Variants in CDYL2 observed in about 807,000 individuals in gnomAD.
CDYL2 encodes chromodomain Y like 2.
A neutral mutation model predicts 49.4 loss-of-function variants in CDYL2; 23 were observed. The observed-to-expected ratio is 0.47, with a 90% CI of 0.34 to 0.66. The LOEUF is 0.66. Ranked by LOEUF, CDYL2 falls within the 30% of genes least tolerant of loss-of-function variation. CDYL2 has a pLI of 0.01. For synonymous variants in CDYL2, 360 were observed against 268.8 expected, an observed-to-expected ratio of 1.34 and a Z score of -3.32; for missense variants, 678 against 656.4, an observed-to-expected ratio of 1.03 and a Z score of -0.36.
intron 6 of CDYL2, among the ~76,000 whole-genome samples, chr16:80,606,977 G>T (rs545437339): frequency 6.6e-6 from 1 of 152,158 alleles, no homozygotes; most frequent in Non-Finnish European, 1.5e-5. Context: ...CCCAGTCTCG[G>T]GTATGTCTTT....
intron 1 of CDYL2, among the ~76,000 whole-genome samples, chr16:80,691,308 T>C (rs1163588871): frequency 6.6e-6 from 1 of 152,210 alleles, no homozygotes; most frequent in Non-Finnish European, 1.5e-5. Flanking sequence ...GAGGGCAAGT[T>C]CTGGGAACAA....
At chr16:80,711,934 A>C (rs574396166) in intron 1 of CDYL2, among the ~76,000 whole-genome samples, 1 of 151,860 alleles carries the variant, frequency 6.6e-6, no homozygotes, top group East Asian at 1.9e-4. Flanking sequence ...ACAGGGGAGA[A>C]GGACACCCAT....
At chr16:80,657,209 A>G (rs1375036104) in intron 2 of CDYL2, among the ~76,000 whole-genome samples, 1 of 152,260 alleles carries the variant, frequency 6.6e-6, no homozygotes, top group Non-Finnish European at 1.5e-5. Flanking sequence ...ACAATTTGAC[A>G]AGGACTTTAA....
intron 1 of CDYL2, among the ~76,000 whole-genome samples, chr16:80,750,156 G>A (rs1906081461): frequency 6.6e-6 from 1 of 151,916 alleles, no homozygotes; most frequent in Non-Finnish European, 1.5e-5. Context: ...AATGGGTGCA[G>A]CACACCAACA....
At chr16:80,724,562 C>T (rs1196826867) in intron 1 of CDYL2, among the ~76,000 whole-genome samples, 2 of 152,202 alleles carry the variant, frequency 1.3e-5, no homozygotes, top group African/African-American at 2.4e-5. Context: ...ACACACATGA[C>T]ACACATGTGG....
chr16:80,730,954 G>A (rs1905306316), intron 1 of CDYL2, among the ~76,000 whole-genome samples: 1 of 152,152 alleles, frequency 6.6e-6, no homozygotes, highest in East Asian at 1.9e-4. Flanking sequence ...GGGTAGGAAG[G>A]AGTGGAAAGA....
chr16:80,766,649 G>A (rs890802296), intron 1 of CDYL2, among the ~76,000 whole-genome samples: 16 of 152,170 alleles, frequency 1.1e-4, no homozygotes, highest in Non-Finnish European at 2.2e-4. Flanking sequence ...AAGAGGTGCA[G>A]AAATTGTCTG....
At chr16:80,799,419 T>G (rs1907860311) in intron 1 of CDYL2, among the ~76,000 whole-genome samples, 1 of 152,216 alleles carries the variant, frequency 6.6e-6, no homozygotes, top group Non-Finnish European at 1.5e-5. Flanking sequence ...CTGGAGGACG[T>G]GATCATCATT....
At chr16:80,743,807 A>G (rs1905832892) in intron 1 of CDYL2, among the ~76,000 whole-genome samples, 1 of 152,148 alleles carries the variant, frequency 6.6e-6, no homozygotes, top group Admixed American at 6.5e-5. Context: ...AAGGATGAAG[A>G]TAAGTAAGAA....
intron 2 of CDYL2, among the ~76,000 whole-genome samples, chr16:80,648,819 T>C (rs1908463491): frequency 6.6e-6 from 1 of 152,152 alleles, no homozygotes; most frequent in Admixed American, 6.5e-5. Context: ...GATTTATCCC[T>C]GGGATACAAG....
At chr16:80,742,290 A>C in intron 1 of CDYL2, 1 of 152,260 alleles carries the variant, frequency 6.6e-6, no homozygotes, top group Admixed American at 6.5e-5. Flanking sequence ...GGATTGATTA[A>C]ACACATTCCA....
intron 1 of CDYL2, among the ~76,000 whole-genome samples, chr16:80,792,873 A>T (rs538555539): frequency 6.6e-6 from 1 of 152,144 alleles, no homozygotes; most frequent in Non-Finnish European, 1.5e-5. Context: ...CCCATGGAAC[A>T]GCCTACCAGC....
intron 1 of CDYL2, among the ~76,000 whole-genome samples, chr16:80,747,571 T>C (rs944151867): frequency 3.0e-4 from 46 of 152,270 alleles, no homozygotes; most frequent in African/African-American, 1.0e-3. Flanking sequence ...TGGTGGTGAA[T>C]AGTAGCTGGT....
chr16:80,662,405 T>C (rs1909083760), intron 2 of CDYL2, among the ~76,000 whole-genome samples: 3 of 152,200 alleles, frequency 2.0e-5, no homozygotes. Flanking sequence ...CCCCTACTTT[T>C]TGATGGAGCT....
At chr16:80,780,840 C>A (rs779082346) in intron 1 of CDYL2, among the ~76,000 whole-genome samples, 2 of 152,164 alleles carry the variant, frequency 1.3e-5, no homozygotes, top group Non-Finnish European at 2.9e-5. Flanking sequence ...TCTCTCTCCT[C>A]CACAAATGCA....
At chr16:80,727,781 G>C (rs1039883639) in intron 1 of CDYL2, among the ~76,000 whole-genome samples, 1 of 152,210 alleles carries the variant, frequency 6.6e-6, no homozygotes, top group South Asian at 2.1e-4. Flanking sequence ...CCTCAAGTGG[G>C]TCCCTGACCC....
At chr16:80,693,066 C>A (rs1027760960) in intron 1 of CDYL2, among the ~76,000 whole-genome samples, 2 of 143,284 alleles carry the variant, frequency 1.4e-5, no homozygotes, top group African/African-American at 5.2e-5. Context: ...ACTCAGAAGA[C>A]TACATGCCAG....
intron 3 of CDYL2, among the ~76,000 whole-genome samples, chr16:80,627,185 A>G (rs1318073644): frequency 1.3e-5 from 2 of 152,198 alleles, no homozygotes. Context: ...CATTTTGAAC[A>G]TCAAAAAAGC....
chr16:80,631,504 T>C (rs894067200), intron 3 of CDYL2, among the ~76,000 whole-genome samples: 1 of 152,208 alleles, frequency 6.6e-6, no homozygotes, highest in Non-Finnish European at 1.5e-5. Context: ...ATCTAAGACA[T>C]AAGCATGATT....
Sources: gnomAD v4.1 joint callset for allele counts (sites outside exome capture counted in the v4.1 genomes callset) on GRCh38, gnomAD v4.1.1 for gene constraint, MANE v1.5 for transcripts, NCBI Gene and HGNC (gene_info 2026-07-23, HGNC 2026-07-21) for gene names.